Variants in KAZN observed in about 807,000 individuals in gnomAD.
KAZN encodes kazrin, periplakin interacting protein, also known as kazrin.
Under a neutral mutation model 87.4 loss-of-function variants are expected in KAZN, and 40 were observed. That is an observed-to-expected ratio of 0.46 (90% confidence interval 0.36 to 0.60). KAZN has a LOEUF of 0.60. Ranked by LOEUF, KAZN falls within the 20% of genes least tolerant of loss-of-function variation. The pLI is 0.00. For synonymous variants in KAZN, 466 were observed against 458.3 expected (o/e 1.02, Z -0.22); for missense variants, 898 against 1,073.9 (o/e 0.84, Z 2.29).
chr1:14,972,846 G>A (rs1010407125), intron 2 of KAZN, among the ~76,000 whole-genome samples: 3 of 152,014 alleles, frequency 2.0e-5, no homozygotes, highest in East Asian at 1.9e-4. Context: ...GCCCCTGCTC[G>A]TGGTCAGTCA....
rs568014019 is a variant in KAZN at position 14,205,773 on chromosome 1, C to T, written c.249+25181C>T. 2.2e-4 allele frequency among the ~76,000 whole-genome samples: 33 copies of T among 147,968 alleles called. 1 individual carries two copies. The South Asian group carries it at 7.2e-3, about 32-fold the overall frequency. Reference sequence around the variant, plus strand: ...TGGTGATGCATGCCTGTAATCCTAGCTACTTGGGAGGCTAAGGCAGGAGAA... The same window carrying T: ...TGGTGATGCATGCCTGTAATCCTAGTTACTTGGGAGGCTAAGGCAGGAGAA... On this transcript the variant is annotated intron_variant, in intron 2 of 16. Coordinates refer to the KAZN transcript ENST00000636203.
intron 1 of KAZN, among the ~76,000 whole-genome samples, chr1:13,965,449 G>T (rs574165119): frequency 1.3e-5 from 2 of 152,280 alleles, no homozygotes; most frequent in African/African-American, 4.8e-5. Context: ...TGGAAAGTGG[G>T]TGGTGGTGTT....
intron 1 of KAZN, among the ~76,000 whole-genome samples, chr1:14,673,768 C>G (rs1292542324): frequency 6.6e-6 from 1 of 152,204 alleles, no homozygotes; most frequent in Non-Finnish European, 1.5e-5. Flanking sequence ...TGGCGCCGGT[C>G]AACCCCTTCC....
intron 1 of KAZN, among the ~76,000 whole-genome samples, chr1:13,913,470 A>G (rs1030937210): frequency 6.6e-6 from 1 of 152,178 alleles, no homozygotes; most frequent in African/African-American, 2.4e-5. Context: ...TGCCTCTGCC[A>G]ACATGAAAGG....
At chr1:14,485,197 C>A (rs1669283899) in intron 2 of KAZN, among the ~76,000 whole-genome samples, 1 of 152,210 alleles carries the variant, frequency 6.6e-6, no homozygotes, top group Non-Finnish European at 1.5e-5. Context: ...AGACAAGCAA[C>A]CCTGAGGATA....
At chr1:14,587,722 C>T (rs1451795672) in intron 2 of KAZN, among the ~76,000 whole-genome samples, 1 of 152,094 alleles carries the variant, frequency 6.6e-6, no homozygotes, top group Non-Finnish European at 1.5e-5. Context: ...CTAAGTCGGT[C>T]ATAAGACATC....
chr1:14,088,278 A>G (rs1479378928), intron 1 of KAZN, among the ~76,000 whole-genome samples: 1 of 151,802 alleles, frequency 6.6e-6, no homozygotes, highest in Non-Finnish European at 1.5e-5. Flanking sequence ...TTCATACTAT[A>G]AATTTCCCTG....
At position 14,859,980 on chromosome 1, in the gene KAZN, C is replaced by CA. The variant is rs542356795; in HGVS notation, c.227-100703dup. ...ACAGGGCTGCTGCTGCTTGAGGTTA[C>CA]ATGAAGAACATCATGTCACTCTCAC... is the stretch of plus-strand genomic sequence containing the variant. On this transcript the variant is annotated intron_variant, in intron 1 of 14. Coordinates refer to ENST00000376030, the MANE Select transcript of KAZN (RefSeq NM_201628.3). Among the ~76,000 whole-genome samples, 21 of 152,258 alleles carry CA rather than the reference C, an allele frequency of 1.4e-4. No homozygotes were observed. The South Asian group carries it at 4.4e-3, about 32-fold the overall frequency.
At chr1:14,099,003 G>A (rs1233004818) in intron 1 of KAZN, among the ~76,000 whole-genome samples, 2 of 152,154 alleles carry the variant, frequency 1.3e-5, no homozygotes, top group Non-Finnish European at 2.9e-5. Flanking sequence ...TTTAGGGTTT[G>A]GAGCCTGGGC....
In KAZN at chr1:14,356,870, G is replaced by C. The variant is rs565791261; in HGVS notation, c.249+176278G>C. 3.3e-5 allele frequency among the ~76,000 whole-genome samples: 5 copies of C among 152,232 alleles called. No homozygotes were observed. The South Asian group carries it at 1.0e-3, about 32-fold the overall frequency. Reference sequence around the variant, plus strand: ...GAAGTCAGGTAGCAGGATACCTCCAGCTTTGTTCTTTTTGCTTAGGATTGT... The same window carrying C: ...GAAGTCAGGTAGCAGGATACCTCCACCTTTGTTCTTTTTGCTTAGGATTGT... On this transcript the variant is annotated intron_variant, in intron 2 of 16. Coordinates refer to the KAZN transcript ENST00000636203.
chr1:14,303,763 A>G (rs2100788060), intron 2 of KAZN, among the ~76,000 whole-genome samples: 1 of 152,312 alleles, frequency 6.6e-6, no homozygotes, highest in East Asian at 1.9e-4. Context: ...GCATATAAGA[A>G]GTCTTTTTTA....
At position 14,962,822 on chromosome 1, in the gene KAZN, T is replaced by C. The variant is rs186309047; in HGVS notation, c.418+1947T>C. Reference sequence around the variant, plus strand: ...CAAGGAGGAGAAAAACCTCCCTTAGTGGTTCCTGGGCCTACAGGGATGGCG... The same window carrying C: ...CAAGGAGGAGAAAAACCTCCCTTAGCGGTTCCTGGGCCTACAGGGATGGCG... On this transcript the variant is annotated intron_variant, in intron 2 of 14. Transcript: ENST00000376030. Among the ~76,000 whole-genome samples the C allele has an allele frequency of 1.4e-4, 22 of 152,198 alleles. No homozygotes were observed. In the East Asian group the frequency reaches 3.5e-3, roughly 24 times the overall value.
At chr1:14,518,690 C>A (rs1373322345) in intron 2 of KAZN, among the ~76,000 whole-genome samples, 1 of 152,162 alleles carries the variant, frequency 6.6e-6, no homozygotes, top group African/African-American at 2.4e-5. Context: ...CCCGGCTTCC[C>A]GTCCAGGCTC....
intron 1 of KAZN, among the ~76,000 whole-genome samples, chr1:14,925,428 T>G (rs114567974): frequency 0.012 from 1,896 of 152,300 alleles, 30 homozygotes; most frequent in African/African-American, 0.033. Flanking sequence ...TATTCCTTAT[T>G]CATCGAACAC....
chr1:15,097,302 G>A (rs973190647), intron 10 of KAZN, among the ~76,000 whole-genome samples: 11 of 152,146 alleles, frequency 7.2e-5, no homozygotes, highest in South Asian at 6.2e-4. Context: ...CCATGGACTC[G>A]GGGGTAAGAA....
At chr1:14,198,372 G>A (rs1295704216) in intron 2 of KAZN, among the ~76,000 whole-genome samples, 1 of 152,180 alleles carries the variant, frequency 6.6e-6, no homozygotes, top group Non-Finnish European at 1.5e-5. Context: ...GGCTGAGGTG[G>A]GAGAATCACT....
At chr1:14,177,706 A>G (rs1646110590) in intron 1 of KAZN, among the ~76,000 whole-genome samples, 1 of 151,810 alleles carries the variant, frequency 6.6e-6, no homozygotes, top group South Asian at 2.1e-4. Context: ...AAAACTCTAC[A>G]TGACTAGGCA....
At chr1:14,778,395 A>C (rs1572458864) in intron 1 of KAZN, among the ~76,000 whole-genome samples, 1 of 9,834 alleles carries the variant, frequency 1.0e-4, no homozygotes, top group African/African-American at 3.5e-4. Flanking sequence ...ACCCTTAAGA[A>C]AAAAAAAAAA....
chr1:14,292,571 C>A (rs974962445), intron 2 of KAZN, among the ~76,000 whole-genome samples: 1 of 152,174 alleles, frequency 6.6e-6, no homozygotes, highest in African/African-American at 2.4e-5. Flanking sequence ...ATGCGCCACC[C>A]CACTGCAGGC....
Sources: allele counts gnomAD v4.1 joint callset (sites outside exome capture counted in the v4.1 genomes callset), GRCh38; gene constraint gnomAD v4.1.1; transcripts MANE v1.5; gene names NCBI Gene and HGNC (gene_info 2026-07-23, HGNC 2026-07-21).